The following ABCG4 variants were observed in gnomAD, a reference collection of about 807,000 sequenced individuals.
ABCG4 encodes ATP binding cassette subfamily G member 4.
In ABCG4, 35 loss-of-function variants were observed where a neutral mutation model predicts 64.6. The ratio of observed to expected loss-of-function variants is 0.54; its 90% CI spans 0.41 to 0.72. ABCG4 has a LOEUF of 0.72. Ranked by LOEUF, ABCG4 falls within the 30% of genes least tolerant of loss-of-function variation. The probability of loss-of-function intolerance (pLI) is 0.00; values close to 1 mark genes in which losing one functional copy is unlikely to be tolerated. For synonymous variants in ABCG4, 326 were observed against 348.2 expected (o/e 0.94, Z 0.71); for missense variants, 610 against 846.3 (o/e 0.72, Z 3.46).
At position 119,156,939 on chromosome 11, in the gene ABCG4, G is replaced by A. The variant is rs765482208; in HGVS notation, c.993G>A (p.Gly331=). 3 of 1,614,040 alleles carry A rather than the reference G, an allele frequency of 1.9e-6. No individual in the cohort carries two copies. Among genetic ancestry groups the A allele is most frequent in the Non-Finnish European group, 2.5e-6 (3 of 1,179,998 alleles). Residue 331 remains glycine (G), a synonymous_variant, in exon 9 of 15, where the codon GGG becomes GGA. Transcript: ENST00000619701. This position sits in a 1 kb window ranked among gnomAD's most constrained non-coding sequence, Gnocchi z 5.5. The part of the protein sequence containing the change: ...NPMLFRAVQN[G]LCAMAEKKSS... The stretch of plus-strand genomic sequence containing the variant: ...TGTTGTTCAGGGCTGTGCAGAATGG[G>A]CTGTGCGCTATGGCTGAGAAGAAGA...
chr11:119,156,527 C>T lies in ABCG4; in HGVS notation c.811-37C>T. The T allele has an allele frequency of 6.2e-7, 1 of 1,613,980 alleles. No individual in the cohort carries two copies. Among genetic ancestry groups the T allele is most frequent in the Non-Finnish European group, 8.5e-7 (1 of 1,179,932 alleles). On this transcript the variant is annotated intron_variant, in intron 7 of 14. Coordinates refer to ENST00000619701, the MANE Select transcript of ABCG4 (RefSeq NM_022169.5). The surrounding 1 kb of genome is among the most constrained non-coding windows in gnomAD (Gnocchi z 5.5). ...AAGGGGGTCAGTAGGGGTGCCTGGC[C>T]CGCTGTTCCTTCCTTACCCTTCTCT... is the stretch of plus-strand genomic sequence containing the variant.
chr11:119,158,371 C>G lies in ABCG4; in HGVS notation c.1167+39C>G. ...CTGGGGGAGAGGAGGCTGGCACAGG[C>G]CTGACCTTTTGGGCTGTAGGATCCC... On this transcript the variant is annotated intron_variant, in intron 10 of 14. Transcript: ENST00000619701. The surrounding 1 kb of genome is among the most constrained non-coding windows in gnomAD (Gnocchi z 4.5). 6.2e-7 allele frequency: 1 copy of G among 1,604,824 alleles called. No homozygotes were observed. Among genetic ancestry groups the G allele is most frequent in the Non-Finnish European group, 8.5e-7 (1 of 1,172,020 alleles).
At chr11:119,153,883 A>C in intron 2 of ABCG4, 143 bp from the exon 3 acceptor site, 1 of 714,170 alleles carries the variant, frequency 1.4e-6, no homozygotes, top group Non-Finnish European at 2.5e-6. Flanking sequence ...TGCCGGGGCT[A>C]TAAGGGTTGT....
In ABCG4 at chr11:119,158,484, C is replaced by T; in HGVS notation, c.1168-73C>T. On this transcript the variant is annotated intron_variant, in intron 10 of 14. Coordinates refer to ENST00000619701, the MANE Select transcript of ABCG4 (RefSeq NM_022169.5). The surrounding 1 kb of genome is among the most constrained non-coding windows in gnomAD (Gnocchi z 4.5). The stretch of plus-strand genomic sequence containing the variant: ...GTGCCTGTGAGGGCAGCTCCGAGTT[C>T]CTACTCCAAGTCTACTCTGTGGCTT... 6.3e-7 allele frequency: 1 copy of T among 1,599,058 alleles called. No homozygotes were observed. Among genetic ancestry groups the T allele is most frequent in the South Asian group, 1.1e-5 (1 of 90,712 alleles).
At chr11:119,159,100 G>T (rs1000326400) in intron 12 of ABCG4, among the ~76,000 whole-genome samples, 171 bp downstream of exon 12, 7 of 152,216 alleles carry the variant, frequency 4.6e-5, no homozygotes, top group Admixed American at 4.6e-4. Context: ...CCAGGCCCTA[G>T]GGATATAGCA....
rs775455138 is a variant in ABCG4 at position 119,149,923 on chromosome 11, G to A, written c.-12-31G>A. The A allele has an allele frequency of 3.8e-6, 6 of 1,587,442 alleles. No homozygotes were observed. The South Asian group carries it at 5.6e-5, about 15-fold the overall frequency. On this transcript the variant is annotated intron_variant, in intron 1 of 14. Coordinates refer to ENST00000619701, the MANE Select transcript of ABCG4 (RefSeq NM_022169.5). This position sits in a 1 kb window ranked among gnomAD's most constrained non-coding sequence, Gnocchi z 8.3. ...AGCTTTGAGCCGGGCTCGGTGGTCTGCCCCAAACTGAGCAGGCCCTCCCCT... is the reference window on the plus strand; with the variant it reads ...AGCTTTGAGCCGGGCTCGGTGGTCTACCCCAAACTGAGCAGGCCCTCCCCT...
rs998225101 is a variant in ABCG4 at position 119,156,807 on chromosome 11, G to A, written c.926-65G>A. On this transcript the variant is annotated intron_variant, in intron 8 of 14. Coordinates refer to ENST00000619701, the MANE Select transcript of ABCG4 (RefSeq NM_022169.5). The surrounding 1 kb of genome is among the most constrained non-coding windows in gnomAD (Gnocchi z 5.5). ...CCTGCCTTCCCCACACACCCAAGGC[G>A]GGACTGACTTGCCCTTGGGAAGTGA... is the stretch of plus-strand genomic sequence containing the variant. 1.8e-5 allele frequency: 29 copies of A among 1,588,552 alleles called. No homozygotes were observed. Among genetic ancestry groups the A allele is most frequent in the African/African-American group, 2.7e-5 (2 of 74,330 alleles).
chr11:119,153,900 ATCCTAACCCAATCACAC>A, intron 2 of ABCG4, 109 bp from the exon 3 acceptor site: 1 of 815,388 alleles, frequency 1.2e-6, no homozygotes, highest in Non-Finnish European at 2.1e-6. Flanking sequence ...TTGTTCCTCC[ATCCTAACCCAATCACAC>A]TGAGTAGGGG....
rs1948352263 is a variant in ABCG4, at chr11:119,161,454, TAGGGCCCC to T, written c.*350_*357del. 4.5e-6 allele frequency: 1 copy of T among 222,156 alleles called. No homozygotes were observed. Among genetic ancestry groups the T allele is most frequent in the East Asian group, 1.1e-4 (1 of 8,926 alleles). The allele number at this position is 222,156 out of a possible 1,614,324, so 13.8% of individuals were successfully genotyped here. On this transcript the variant is annotated 3_prime_UTR_variant, in exon 15 of 15. Transcript: ENST00000619701. Reference sequence around the variant, plus strand: ...GTCTGCCTGGGAGCCCTAGGCTCTCTAGGGCCCCACTTACAACTGACCAAAGTGGCCCC... The same window carrying T: ...GTCTGCCTGGGAGCCCTAGGCTCTCTACTTACAACTGACCAAAGTGGCCCC...
Position 119,154,716 on chromosome 11 carries a change from C to T in ABCG4, c.541-54C>T, listed in dbSNP as rs112382702. 131 of 1,590,224 alleles carry T rather than the reference C, an allele frequency of 8.2e-5. No individual in the cohort carries two copies. In the African/African-American group the frequency reaches 1.6e-3, roughly 19 times the overall value. ...GATGCTTTTTGAAGCTGGGGTGGTG[C>T]CTGGGGGAAGCAGAGACTCCGAAGC... On this transcript the variant is annotated intron_variant, in intron 5 of 14. Coordinates refer to ENST00000619701, the MANE Select transcript of ABCG4 (RefSeq NM_022169.5). This position sits in a 1 kb window ranked among gnomAD's most constrained non-coding sequence, Gnocchi z 7.0.
At chr11:119,153,838 GT>G in intron 2 of ABCG4, 187 bp from the exon 3 acceptor site, 1 of 612,458 alleles carries the variant, frequency 1.6e-6, no homozygotes, top group Non-Finnish European at 2.9e-6. Context: ...AGTGGTGGTC[GT>G]TTCTAGGGGG....
At chr11:119,152,893 A>G (rs1323179053) in intron 2 of ABCG4, 2 of 152,028 alleles carry the variant, frequency 1.3e-5, no homozygotes, top group African/African-American at 4.8e-5. Flanking sequence ...CTCACAGCAC[A>G]TTTTTTGTAC....
chr11:119,149,874 G>A lies in ABCG4; in HGVS notation c.-12-80G>A, dbSNP rs1281086971. The A allele has an allele frequency of 1.3e-6, 2 of 1,500,740 alleles. No homozygotes were observed. Among genetic ancestry groups the A allele is most frequent in the South Asian group, 1.3e-5 (1 of 78,392 alleles). The allele number at this position is 1,500,740 out of a possible 1,614,324, so 93.0% of individuals were successfully genotyped here. ...CGAGAAGGAGGTGGGCAGTGGGGGC[G>A]GGGGAAGCATTAGAACGCCAGGGAG... is the stretch of plus-strand genomic sequence containing the variant. On this transcript the variant is annotated intron_variant, in intron 1 of 14. Coordinates refer to ENST00000619701, the MANE Select transcript of ABCG4 (RefSeq NM_022169.5). This position sits in a 1 kb window ranked among gnomAD's most constrained non-coding sequence, Gnocchi z 8.3.
At chr11:119,157,168 G>A (rs1228284409) in intron 9 of ABCG4, among the ~76,000 whole-genome samples, 154 bp downstream of exon 9, 1 of 152,216 alleles carries the variant, frequency 6.6e-6, no homozygotes, top group Non-Finnish European at 1.5e-5. Context: ...ACTAGGAACA[G>A]CACTGTGACC....
At chr11:119,159,009 C>T in intron 12 of ABCG4, 80 bp downstream of exon 12, 1 of 1,379,670 alleles carries the variant, frequency 7.2e-7, no homozygotes, top group Non-Finnish European at 1.0e-6. Flanking sequence ...CTCCCTCAAA[C>T]TTGTCACTTT....
rs370550232 is a variant in ABCG4 at position 119,154,071 on chromosome 11, G to A, written c.284G>A (p.Arg95Gln). 218 of 1,614,054 alleles carry A rather than the reference G, an allele frequency of 1.4e-4. No homozygotes were observed. Among genetic ancestry groups the A allele is most frequent in the Non-Finnish European group, 1.7e-4 (195 of 1,180,042 alleles). Residue 95 changes from arginine to glutamine, a missense_variant, in exon 3 of 15, where the codon CGG becomes CAG. Physicochemically the swap from Arg to Gln is conservative, Grantham distance 43. Coordinates refer to ENST00000619701, the MANE Select transcript of ABCG4 (RefSeq NM_022169.5). This position sits in a 1 kb window ranked among gnomAD's most constrained non-coding sequence, Gnocchi z 7.0. ...LKCLSGKFCR[R>Q]ELIGIMGPSG... ...TGCCTCTCAGGTAAATTCTGCCGCC[G>A]GGAGCTGATTGGCATCATGGGCCCC...
intron 2 of ABCG4, chr11:119,153,304 C>T (rs1948215538): frequency 6.5e-6 from 1 of 153,568 alleles, no homozygotes; most frequent in African/African-American, 2.4e-5. Flanking sequence ...TGACTCCAAA[C>T]CGTGCTCTAA....
chr11:119,158,391 G>C lies in ABCG4; in HGVS notation c.1167+59G>C. 1 of 1,586,382 alleles carries C rather than the reference G, an allele frequency of 6.3e-7. No homozygotes were observed. The highest frequency in any genetic ancestry group is 8.7e-7 in the Non-Finnish European group (1 of 1,155,924). ...ACAGGCCTGACCTTTTGGGCTGTAG[G>C]ATCCCAGCAGCTGAAATGGGAATGG... is the stretch of plus-strand genomic sequence containing the variant. On this transcript the variant is annotated intron_variant, in intron 10 of 14. Transcript: ENST00000619701. The surrounding 1 kb of genome is among the most constrained non-coding windows in gnomAD (Gnocchi z 4.5).
chr11:119,154,178 C>G lies in ABCG4; in HGVS notation c.356+35C>G, dbSNP rs200414547. The G allele has an allele frequency of 1.9e-6, 3 of 1,613,504 alleles. No individual in the cohort carries two copies. Among genetic ancestry groups the G allele is most frequent in the East Asian group, 2.2e-5 (1 of 44,864 alleles). On this transcript the variant is annotated intron_variant, in intron 3 of 14. Coordinates refer to ENST00000619701, the MANE Select transcript of ABCG4 (RefSeq NM_022169.5). This position sits in a 1 kb window ranked among gnomAD's most constrained non-coding sequence, Gnocchi z 7.0. ...AGACTGGGGTGGAATGGAGGCAGGA[C>G]TCAGGAAGAAGTATCCCTTGGGGAA...
Sources: gnomAD v4.1 joint callset for allele counts (sites outside exome capture counted in the v4.1 genomes callset) on GRCh38, gnomAD v4.1.1 for gene constraint, Gnocchi (gnomAD v3.1) non-coding constraint, MANE v1.5 for transcripts, NCBI Gene and HGNC (gene_info 2026-07-23, HGNC 2026-07-21) for gene names.